SNRPN: variants seen among roughly 807,000 people sequenced by gnomAD.
The protein encoded by SNRPN is small nuclear ribonucleoprotein polypeptide N.
Under a neutral mutation model 25.2 loss-of-function variants are expected in SNRPN, and 7 were observed. The ratio of observed to expected loss-of-function variants is 0.28; its 90% CI spans 0.16 to 0.52. SNRPN has a LOEUF of 0.52. Ranked by LOEUF, SNRPN falls within the 20% of genes least tolerant of loss-of-function variation. The probability of loss-of-function intolerance (pLI) is 0.96; values close to 1 mark genes in which losing one functional copy is unlikely to be tolerated. For synonymous variants in SNRPN, 124 were observed against 110.6 expected (o/e 1.12, Z -0.76); for missense variants, 196 against 322.5 (o/e 0.61, Z 3.00).
intron 1 of SNRPN, among the ~76,000 whole-genome samples, chr15:24,859,913 C>G (rs139737653): frequency 5.0e-4 from 76 of 152,174 alleles, no homozygotes; most frequent in Non-Finnish European, 8.7e-4. Flanking sequence ...AGAGGTCACT[C>G]TCGTCACCAT....
intron 1 of SNRPN, among the ~76,000 whole-genome samples, chr15:24,861,787 C>T (rs2054008182): frequency 6.6e-6 from 1 of 152,074 alleles, no homozygotes; most frequent in Non-Finnish European, 1.5e-5. Context: ...TTTAAAAGCC[C>T]TTCCATAGTT....
intron 2 of SNRPN, among the ~76,000 whole-genome samples, chr15:24,840,361 AAAAAT>A (rs897867372): frequency 1.1e-4 from 17 of 152,300 alleles, no homozygotes; most frequent in Non-Finnish European, 1.0e-4. Flanking sequence ...TCCATCTCAA[AAAAAT>A]AAAATAAAAT....
chr15:24,962,233 C>T (rs375201041), intron 2 of SNRPN, 24 bp downstream of exon 2: 1 of 1,582,048 alleles, frequency 6.3e-7, no homozygotes, highest in Non-Finnish European at 8.7e-7. Flanking sequence ...GTGTTGGGAA[C>T]AAATGCAAGT....
At chr15:24,900,474 T>C (rs1179231670) in intron 2 of SNRPN, among the ~76,000 whole-genome samples, 1 of 152,126 alleles carries the variant, frequency 6.6e-6, no homozygotes, top group African/African-American at 2.4e-5. Context: ...TTGTCTCTAT[T>C]GTTTGAAGAA....
intron 3 of SNRPN, among the ~76,000 whole-genome samples, chr15:24,935,835 T>C (rs1361608048): frequency 6.6e-6 from 1 of 152,104 alleles, no homozygotes; most frequent in Non-Finnish European, 1.5e-5. Context: ...TTAAAAATCA[T>C]GGGCTGGGTG....
intron 2 of SNRPN, among the ~76,000 whole-genome samples, chr15:24,914,389 A>G (rs1031562517): frequency 3.9e-5 from 6 of 152,066 alleles, no homozygotes; most frequent in African/African-American, 1.2e-4. Context: ...GCTTCAAACT[A>G]TACTCTGAAT....
intron 2 of SNRPN, among the ~76,000 whole-genome samples, chr15:24,889,448 GC>G (rs1566875492): frequency 4.6e-5 from 7 of 151,688 alleles, no homozygotes; most frequent in Non-Finnish European, 7.4e-5. Flanking sequence ...GACTACAGGC[GC>G]CTGCCACCAC....
chr15:24,857,006 C>G (rs897287586), intron 1 of SNRPN, among the ~76,000 whole-genome samples: 1 of 151,982 alleles, frequency 6.6e-6, no homozygotes, highest in African/African-American at 2.4e-5. Context: ...TTAGTGTTGT[C>G]GAGAAATTTC....
At chr15:24,846,772 G>A (rs891489707) in intron 2 of SNRPN, among the ~76,000 whole-genome samples, 2 of 152,138 alleles carry the variant, frequency 1.3e-5, no homozygotes, top group African/African-American at 4.8e-5. Flanking sequence ...AGATTTTTAA[G>A]AAATTTTGTT....
At chr15:24,936,597 G>A (rs2061250820) in intron 3 of SNRPN, among the ~76,000 whole-genome samples, 1 of 152,126 alleles carries the variant, frequency 6.6e-6, no homozygotes, top group Non-Finnish European at 1.5e-5. Context: ...AATCATGGCT[G>A]GGGAGTCCCT....
chr15:24,926,038 A>G (rs1399571744), intron 3 of SNRPN, among the ~76,000 whole-genome samples: 1 of 151,964 alleles, frequency 6.6e-6, no homozygotes, highest in Admixed American at 6.6e-5. Context: ...CCGGCCCACT[A>G]ATTTTTAAAT....
At chr15:24,908,032 A>G in intron 2 of SNRPN, among the ~76,000 whole-genome samples, 1 of 127,002 alleles carries the variant, frequency 7.9e-6, no homozygotes, top group Non-Finnish European at 1.6e-5. Context: ...CAGCCTGGGC[A>G]ACAGAGCTAG....
chr15:24,880,529 T>A (rs1300577597), intron 1 of SNRPN, among the ~76,000 whole-genome samples: 1 of 152,158 alleles, frequency 6.6e-6, no homozygotes, highest in African/African-American at 2.4e-5. Context: ...TACTTAGTCC[T>A]CAAACAGCTG....
At chr15:24,826,643 A>G (rs2050101568) in intron 1 of SNRPN, among the ~76,000 whole-genome samples, 1 of 151,986 alleles carries the variant, frequency 6.6e-6, no homozygotes, top group Non-Finnish European at 1.5e-5. Flanking sequence ...ATAAAGAAAA[A>G]CCTATGATTT....
At chr15:24,889,698 G>A (rs1370170761) in intron 2 of SNRPN, among the ~76,000 whole-genome samples, 1 of 152,098 alleles carries the variant, frequency 6.6e-6, no homozygotes, top group African/African-American at 2.4e-5. Context: ...CCTCCATACT[G>A]AATGTGCATC....
At chr15:24,923,199 C>T (rs146029727) in intron 3 of SNRPN, among the ~76,000 whole-genome samples, 3 of 152,226 alleles carry the variant, frequency 2.0e-5, no homozygotes, top group Non-Finnish European at 2.9e-5. Flanking sequence ...AGACACCATG[C>T]GCGGCTGCAG....
intron 1 of SNRPN, among the ~76,000 whole-genome samples, chr15:24,879,548 A>C (rs1251845978): frequency 6.6e-6 from 1 of 152,216 alleles, no homozygotes; most frequent in Non-Finnish European, 1.5e-5. Flanking sequence ...TAAATGTAAA[A>C]TGCATTTGCC....
intron 3 of SNRPN, among the ~76,000 whole-genome samples, chr15:24,932,156 C>A (rs2060914466): frequency 1.3e-5 from 2 of 152,102 alleles, no homozygotes. Flanking sequence ...TACAGTCAAC[C>A]AGGGGATATG....
chr15:24,883,138 G>A (rs1049443916), intron 1 of SNRPN, among the ~76,000 whole-genome samples: 1 of 152,148 alleles, frequency 6.6e-6, no homozygotes, highest in African/African-American at 2.4e-5. Context: ...CTTAAGTTGG[G>A]GACTATCTGT....
Sources: allele counts gnomAD v4.1 joint callset (sites outside exome capture counted in the v4.1 genomes callset), GRCh38; gene constraint gnomAD v4.1.1; transcripts MANE v1.5; gene names NCBI Gene and HGNC (gene_info 2026-07-23, HGNC 2026-07-21).